Variants in SH3PXD2A observed in about 807,000 individuals in gnomAD.
SH3PXD2A encodes the protein SH3 and PX domain-containing protein 2A.
In SH3PXD2A, 32 loss-of-function variants were observed where a neutral mutation model predicts 115.2. The ratio of observed to expected loss-of-function variants is 0.28; its 90% CI spans 0.21 to 0.37. The LOEUF (loss-of-function observed/expected upper bound fraction) is 0.37, where lower values mean the gene tolerates loss of function less well. SH3PXD2A is among the 10% of genes least tolerant of loss of function. SH3PXD2A has a pLI of 1.00. For synonymous variants in SH3PXD2A, 610 were observed against 629.1 expected, an observed-to-expected ratio of 0.97 and a Z score of 0.45; for missense variants, 1,328 against 1,498.7, an observed-to-expected ratio of 0.89 and a Z score of 1.88.
chr10:103,754,883 C>A (rs1462852150), intron 3 of SH3PXD2A: 1 of 152,150 alleles, frequency 6.6e-6, no homozygotes, highest in East Asian at 1.9e-4. Flanking sequence ...TGTGAATGAA[C>A]TGAACGTAAC....
intron 6 of SH3PXD2A, among the ~76,000 whole-genome samples, chr10:103,671,884 C>G (rs2037466076): frequency 6.6e-6 from 1 of 152,224 alleles, no homozygotes; most frequent in Non-Finnish European, 1.5e-5. Flanking sequence ...ACCAACGGCC[C>G]TACAGAGCAG....
intron 3 of SH3PXD2A, among the ~76,000 whole-genome samples, chr10:103,765,960 A>C (rs1445183675): frequency 6.6e-6 from 1 of 152,218 alleles, no homozygotes; most frequent in Non-Finnish European, 1.5e-5. Context: ...TCTTGCCCAA[A>C]CTGTGGAATT....
intron 4 of SH3PXD2A, among the ~76,000 whole-genome samples, chr10:103,728,996 C>A (rs1196086454): frequency 6.6e-6 from 1 of 151,472 alleles, no homozygotes; most frequent in Non-Finnish European, 1.5e-5. Context: ...CGGGTTCAAG[C>A]GATTCTCCTG....
intron 5 of SH3PXD2A, among the ~76,000 whole-genome samples, chr10:103,700,970 ACCAT>A (rs1554912858): frequency 6.9e-6 from 1 of 144,120 alleles, no homozygotes; most frequent in South Asian, 2.3e-4. Flanking sequence ...CCATCCATCC[ACCAT>A]CCATCCATCC....
At chr10:103,771,738 AACACACACACACACACAC>A (rs3068820) in intron 2 of SH3PXD2A, among the ~76,000 whole-genome samples, 7 of 143,098 alleles carry the variant, frequency 4.9e-5, no homozygotes, top group Admixed American at 1.4e-4. Context: ...CCGTCAAAAC[AACACACACACACACACAC>A]ACACACACAC....
chr10:103,687,434 G>A (rs902929679), intron 6 of SH3PXD2A, among the ~76,000 whole-genome samples: 5 of 152,206 alleles, frequency 3.3e-5, no homozygotes, highest in Admixed American at 1.3e-4. Flanking sequence ...TGACTGGCAA[G>A]TTGTCGGCCT....
chr10:103,701,782 C>A (rs944468126), intron 5 of SH3PXD2A, among the ~76,000 whole-genome samples: 5 of 137,800 alleles, frequency 3.6e-5, no homozygotes, highest in African/African-American at 1.4e-4. Flanking sequence ...CATCCACCAT[C>A]CATCATCCAT....
chr10:103,789,530 TACAC>T (rs72505791), intron 2 of SH3PXD2A, among the ~76,000 whole-genome samples: 2,750 of 145,136 alleles, frequency 0.019, 83 homozygotes, highest in African/African-American at 0.065. Context: ...TGTGTATACG[TACAC>T]ACACACACAC....
intron 1 of SH3PXD2A, 77 bp downstream of exon 1, chr10:103,855,118 G>A: frequency 2.9e-6 from 3 of 1,036,652 alleles, no homozygotes; most frequent in East Asian, 3.0e-5. Flanking sequence ...CTCACAGCTG[G>A]GAGGGGCAAG....
Position 103,601,552 on chromosome 10 carries a change from A to C in SH3PXD2A, c.*264T>G. 3 of 383,770 alleles carry C rather than the reference A, an allele frequency of 7.8e-6. No homozygotes were observed. Among genetic ancestry groups the C allele is most frequent in the Non-Finnish European group, 4.7e-6 (1 of 211,398 alleles). The allele number at this position is 383,770 out of a possible 1,614,324, so 23.8% of individuals were successfully genotyped here. Reference sequence around the variant, plus strand: ...GTCCCTATGGTGCACAGGATATCTCAGCTTTCTTGGCTCTGGGTCCCAGGC... The same window carrying C: ...GTCCCTATGGTGCACAGGATATCTCCGCTTTCTTGGCTCTGGGTCCCAGGC... On this transcript the variant is annotated 3_prime_UTR_variant, in exon 15 of 15. Coordinates refer to ENST00000369774, the MANE Select transcript of SH3PXD2A (RefSeq NM_001394015.1).
intron 6 of SH3PXD2A, among the ~76,000 whole-genome samples, chr10:103,669,357 T>C (rs144741213): frequency 4.3e-4 from 65 of 152,280 alleles, no homozygotes; most frequent in African/African-American, 1.5e-3. Context: ...TTTCCTCACC[T>C]GTGAAATGGG....
chr10:103,779,388 C>A (rs1270948695), intron 2 of SH3PXD2A, among the ~76,000 whole-genome samples: 1 of 152,186 alleles, frequency 6.6e-6, no homozygotes, highest in African/African-American at 2.4e-5. Context: ...CCTCCTGATA[C>A]CCCCGTGTGC....
chr10:103,641,002 T>C (rs1270936394), intron 8 of SH3PXD2A, among the ~76,000 whole-genome samples: 1 of 152,026 alleles, frequency 6.6e-6, no homozygotes, highest in African/African-American at 2.4e-5. Context: ...ACCTGTCCTG[T>C]TGGATGTTTT....
At chr10:103,762,761 G>T (rs1490566722) in intron 3 of SH3PXD2A, among the ~76,000 whole-genome samples, 2 of 152,142 alleles carry the variant, frequency 1.3e-5, no homozygotes, top group African/African-American at 4.8e-5. Flanking sequence ...AAAACAATTC[G>T]GGGGCTCTCT....
At chr10:103,690,770 T>C (rs1204817232) in intron 6 of SH3PXD2A, among the ~76,000 whole-genome samples, 1 of 152,158 alleles carries the variant, frequency 6.6e-6, no homozygotes, top group Admixed American at 6.5e-5. Flanking sequence ...GTATGAATAT[T>C]ATCCCAAATG....
intron 5 of SH3PXD2A, among the ~76,000 whole-genome samples, chr10:103,711,067 C>T (rs1589424225): frequency 6.6e-6 from 1 of 152,112 alleles, no homozygotes. Flanking sequence ...GGTTGCCCCA[C>T]CTGGCACATA....
At chr10:103,696,118 G>A (rs1347510929) in intron 5 of SH3PXD2A, among the ~76,000 whole-genome samples, 1 of 152,218 alleles carries the variant, frequency 6.6e-6, no homozygotes, top group African/African-American at 2.4e-5. Context: ...TGGGGTTAAT[G>A]GGGTGGAGGC....
chr10:103,713,271 C>T (rs979701944), intron 5 of SH3PXD2A, among the ~76,000 whole-genome samples: 2 of 152,160 alleles, frequency 1.3e-5, no homozygotes, highest in Non-Finnish European at 2.9e-5. Context: ...TGAATATCTC[C>T]CATTCCCACA....
At chr10:103,776,154 A>T (rs1047832172) in intron 2 of SH3PXD2A, among the ~76,000 whole-genome samples, 1 of 152,192 alleles carries the variant, frequency 6.6e-6, no homozygotes, top group Non-Finnish European at 1.5e-5. Context: ...TGGGAGGCCA[A>T]GGCAGGAGGA....
Sources: allele counts gnomAD v4.1 joint callset (sites outside exome capture counted in the v4.1 genomes callset), GRCh38; gene constraint gnomAD v4.1.1; transcripts MANE v1.5; gene names NCBI Gene and HGNC (gene_info 2026-07-23, HGNC 2026-07-21).